Variants in CD207 observed in about 807,000 individuals in gnomAD.
CD207 encodes C-type lectin domain family 4 member K.
Under a neutral mutation model 31.6 loss-of-function variants are expected in CD207, and 28 were observed. The observed-to-expected ratio is 0.89, with a 90% CI of 0.66 to 1.21. The LOEUF is 1.21. Among genes scored for constraint, CD207 ranks in the 50% most tolerant of loss-of-function variants. CD207 has a pLI of 0.00. For missense variants in CD207, 388 were observed against 397.8 expected (o/e 0.98, Z 0.21); for synonymous variants, 168 against 153.9 (o/e 1.09, Z -0.68).
At chr2:70,829,548 T>A (rs1430190051), downstream of CD207, among the ~76,000 whole-genome samples, 1 of 152,164 alleles carries the variant, frequency 6.6e-6, no homozygotes, top group Non-Finnish European at 1.5e-5. Context: ...GGCATGCAGC[T>A]GGTCCAGATG....
intron 5 of CD207, among the ~76,000 whole-genome samples, 159 bp downstream of exon 5, chr2:70,831,542 T>C (rs1038424484): frequency 5.3e-5 from 8 of 152,154 alleles, no homozygotes; most frequent in Non-Finnish European, 1.2e-4. Flanking sequence ...AGCCAGTTGG[T>C]GACAGGGTTG....
chr2:70,825,566 T>A (rs1677323650), downstream of CD207, among the ~76,000 whole-genome samples: 1 of 152,088 alleles, frequency 6.6e-6, no homozygotes, highest in African/African-American at 2.4e-5. Flanking sequence ...TGAGACAGGG[T>A]CTCACTCTAT....
chr2:70,831,052 A>G lies in CD207; in HGVS notation c.985T>C (p.Ter329ArgextTer29), dbSNP rs782692597. 1.2e-6 allele frequency: 2 copies of G among 1,613,290 alleles called. No homozygotes were observed. The highest frequency in any genetic ancestry group is 1.1e-5 in the South Asian group (1 of 90,910). Residue 329 changes from the stop codon to arginine (R), a stop_lost, in exon 6 of 6, where the codon TGA becomes CGA. Coordinates refer to ENST00000410009, the MANE Select transcript of CD207 (RefSeq NM_015717.5). Reference protein sequence around the residue: ...CKRPYVPSEP* With the variant: ...CKRPYVPSEPR ...AGTGAGCTTGGGAGCCTGTCCTGTC[A>G]CGGTTCTGATGGGACATAGGGTCGC... is the stretch of plus-strand genomic sequence containing the variant.
downstream of CD207, among the ~76,000 whole-genome samples, chr2:70,826,966 T>C (rs1677359673): frequency 6.6e-6 from 1 of 152,212 alleles, no homozygotes; most frequent in Non-Finnish European, 1.5e-5. Context: ...CTCCTTGTCC[T>C]TCACATAAAA....
At chr2:70,824,622 C>CAAAAAAAAAAAAA in the CD207 span, among the ~76,000 whole-genome samples, 6 of 38,768 alleles carry the variant, frequency 1.5e-4, no homozygotes, top group Non-Finnish European at 1.8e-4. Context: ...GCTTAGTTAC[C>CAAAAAAAAAAAAA]AAAAAAAAAA....
In CD207 at chr2:70,831,774, G is replaced by C; in HGVS notation, c.763C>G (p.Leu255Val). ...TAGGLIYWIG[L>V]TKAGMEGDWS... ...TCCCCTTCCATCCCTGCTTTAGTCAGGCCAATCCAGTAGATGAGTCCCCCC... is the reference window on the plus strand; with the variant it reads ...TCCCCTTCCATCCCTGCTTTAGTCACGCCAATCCAGTAGATGAGTCCCCCC... The change falls in exon 5 of 6, where the codon CTG (leucine) becomes GTG (valine). Residue 255 changes from leucine to valine, a missense_variant. Transcript: ENST00000410009. 1.2e-6 allele frequency: 2 copies of C among 1,613,632 alleles called. No homozygotes were observed. The highest frequency in any genetic ancestry group is 1.7e-6 in the Non-Finnish European group (2 of 1,179,574).
At chr2:70,826,373 T>TTAAAC, downstream of CD207, among the ~76,000 whole-genome samples, 1 of 91,966 alleles carries the variant, frequency 1.1e-5, no homozygotes, top group African/African-American at 3.7e-5. Flanking sequence ...AAATAAATAA[T>TTAAAC]TAAATTAAAT....
intron 5 of CD207, 121 bp from the exon 6 acceptor site, chr2:70,831,321 T>G: frequency 1.0e-6 from 1 of 966,692 alleles, no homozygotes. Flanking sequence ...ATAGCAAATG[T>G]CTGCACCCAA....
chr2:70,831,980 T>G (rs1469222645), intron 4 of CD207, among the ~76,000 whole-genome samples, 161 bp from the exon 5 acceptor site: 1 of 152,162 alleles, frequency 6.6e-6, no homozygotes, highest in Non-Finnish European at 1.5e-5. Flanking sequence ...GAGCCCAGAT[T>G]TCATCTTCCA....
downstream of CD207, among the ~76,000 whole-genome samples, chr2:70,829,669 C>A (rs782622557): frequency 6.6e-6 from 1 of 152,206 alleles, no homozygotes; most frequent in Non-Finnish European, 1.5e-5. Context: ...CACAGCAGCA[C>A]GTGGTATTTC....
Position 70,833,120 on chromosome 2 carries a change from A to G in CD207, c.566-69T>C. 2.0e-6 allele frequency: 3 copies of G among 1,506,850 alleles called. No homozygotes were observed. The South Asian group carries it at 3.5e-5, about 17-fold the overall frequency. The allele number at this position is 1,506,850 out of a possible 1,614,324, so 93.3% of individuals were successfully genotyped here. ...CTTGGGATGCTGGCTTGGTGGGGGCACTTGAATGAGGTCTCAGAGACAGCA... is the reference window on the plus strand; with the variant it reads ...CTTGGGATGCTGGCTTGGTGGGGGCGCTTGAATGAGGTCTCAGAGACAGCA... On this transcript the variant is annotated intron_variant, in intron 3 of 5. Coordinates refer to ENST00000410009, the MANE Select transcript of CD207 (RefSeq NM_015717.5).
chr2:70,831,799 C>A lies in CD207; in HGVS notation c.738G>T (p.Ala246=), dbSNP rs138367948. The stretch of plus-strand genomic sequence containing the variant: ...GGCCAATCCAGTAGATGAGTCCCCC[C>A]GCTGTTTTATACAGAAACTCCTGTA... ...ESEQEFLYKT[A]GGLIYWIGLT... The change falls in exon 5 of 6, where the codon GCG becomes GCT. Residue 246 remains alanine, a synonymous_variant. Transcript: ENST00000410009. The A allele has an allele frequency of 3.3e-4, 532 of 1,611,560 alleles. 3 individuals carry two copies. The African/African-American group carries it at 5.9e-3, about 18-fold the overall frequency.
chr2:70,835,444 G>A, intron 2 of CD207, 47 bp downstream of exon 2: 1 of 1,364,168 alleles, frequency 7.3e-7, no homozygotes, highest in Non-Finnish European at 1.0e-6. Flanking sequence ...GGAGCCGGCT[G>A]GCCACAGAGA....
chr2:70,831,381 G>A (rs1452259064), intron 5 of CD207, among the ~76,000 whole-genome samples, 181 bp from the exon 6 acceptor site: 1 of 152,112 alleles, frequency 6.6e-6, no homozygotes, highest in Non-Finnish European at 1.5e-5. Context: ...GCTTTCACAT[G>A]CCCCAAGTCC....
In CD207 at chr2:70,831,898, G is replaced by T. The variant is rs143492449; in HGVS notation, c.718-79C>A. On this transcript the variant is annotated intron_variant, in intron 4 of 5. Coordinates refer to ENST00000410009, the MANE Select transcript of CD207 (RefSeq NM_015717.5). ...CTGTCTCTGGGTGTTCTTCACCTGCGCTCAGTGACAGCCCTGACCCACAGA... is the reference window on the plus strand; with the variant it reads ...CTGTCTCTGGGTGTTCTTCACCTGCTCTCAGTGACAGCCCTGACCCACAGA... The T allele has an allele frequency of 2.0e-5, 19 of 936,958 alleles. No homozygotes were observed. In the South Asian group the frequency reaches 2.5e-4, roughly 13 times the overall value. The allele number at this position is 936,958 out of a possible 1,614,324, so 58.0% of individuals were successfully genotyped here.
intron 4 of CD207, 88 bp from the exon 5 acceptor site, chr2:70,831,907 C>T: frequency 2.4e-6 from 2 of 846,088 alleles, no homozygotes. Context: ...CGCTCAGTGA[C>T]AGCCCTGACC....
At chr2:70,833,292 C>A (rs1677523151) in intron 3 of CD207, among the ~76,000 whole-genome samples, 2 of 152,042 alleles carry the variant, frequency 1.3e-5, no homozygotes, top group East Asian at 3.9e-4. Flanking sequence ...GAGTGTCTTC[C>A]CCATGATGAG....
chr2:70,828,466 C>T (rs781867664), downstream of CD207, among the ~76,000 whole-genome samples: 2 of 152,138 alleles, frequency 1.3e-5, no homozygotes, highest in South Asian at 2.1e-4. Context: ...CTTTCAGTTT[C>T]AAGAAAAAGC....
At chr2:70,835,413 G>A (rs1677588616) in intron 2 of CD207, 78 bp downstream of exon 2, 3 of 949,752 alleles carry the variant, frequency 3.2e-6, no homozygotes, top group South Asian at 2.7e-5. Flanking sequence ...CGGAGAGCAG[G>A]GAAGTGGTCT....
Sources: gnomAD v4.1 joint callset for allele counts (sites outside exome capture counted in the v4.1 genomes callset) on GRCh38, gnomAD v4.1.1 for gene constraint, MANE v1.5 for transcripts, NCBI Gene and HGNC (gene_info 2026-07-23, HGNC 2026-07-21) for gene names.